NALCN: variants seen among roughly 807,000 people sequenced by gnomAD.
NALCN encodes sodium leak channel NALCN.
Under a neutral mutation model 225.3 loss-of-function variants are expected in NALCN, and 111 were observed. The observed-to-expected ratio is 0.49, with a 90% CI of 0.42 to 0.58. The LOEUF (loss-of-function observed/expected upper bound fraction) is 0.58. Ranked by LOEUF, NALCN falls within the 20% of genes least tolerant of loss-of-function variation. The pLI, the probability that NALCN is intolerant of heterozygous loss-of-function variation, is 0.00. For missense variants in NALCN, 1,378 were observed against 2,202.4 expected, an observed-to-expected ratio of 0.63 and a Z score of 7.49; for synonymous variants, 764 against 769.0, an observed-to-expected ratio of 0.99 and a Z score of 0.11.
chr13:101,323,237 G>T (rs1376819490), intron 7 of NALCN, among the ~76,000 whole-genome samples: 1 of 152,172 alleles, frequency 6.6e-6, no homozygotes, highest in African/African-American at 2.4e-5. Flanking sequence ...AGTAGGTAGA[G>T]ACTGATGAAT....
intron 7 of NALCN, among the ~76,000 whole-genome samples, chr13:101,307,217 C>T (rs2044182321): frequency 6.6e-6 from 1 of 152,112 alleles, no homozygotes; most frequent in South Asian, 2.1e-4. Context: ...CTGAGCAGAG[C>T]GATGGTGGTC....
At chr13:101,401,133 G>C (rs1159531773) in intron 1 of NALCN, among the ~76,000 whole-genome samples, 4 of 152,198 alleles carry the variant, frequency 2.6e-5, no homozygotes, top group Non-Finnish European at 5.9e-5. Context: ...AAGCTAACTG[G>C]CTTGAAGACA....
At chr13:101,377,174 ACATT>A in intron 4 of NALCN, 118 bp from the exon 5 acceptor site, 1 of 1,291,866 alleles carries the variant, frequency 7.7e-7, no homozygotes, top group Non-Finnish European at 1.1e-6. Context: ...ATTTAGCCAT[ACATT>A]ATTTTCCACC....
Position 101,416,406 on chromosome 13 carries a change from C to T in NALCN, c.-133G>A, listed in dbSNP as rs1458886128. 1 of 152,548 alleles carries T rather than the reference C, an allele frequency of 6.6e-6. No individual in the cohort carries two copies. Among genetic ancestry groups the T allele is most frequent in the African/African-American group, 2.4e-5 (1 of 41,348 alleles). 9.4% of individuals were successfully genotyped at this position (152,548 alleles called of 1,614,324 possible). On this transcript the variant is annotated 5_prime_UTR_variant, in exon 1 of 44. Coordinates refer to ENST00000251127, the MANE Select transcript of NALCN (RefSeq NM_052867.4). ...GCAGGATCAGTGCCAGGCGCGGCGC[C>T]CAGGGCGGGCGGGGACGCGGGCCCC...
chr13:101,217,902 C>G (rs576069571), intron 13 of NALCN, among the ~76,000 whole-genome samples: 3 of 152,098 alleles, frequency 2.0e-5, no homozygotes, highest in Non-Finnish European at 4.4e-5. Context: ...CTTTCTACCA[C>G]GTCTATTTAC....
intron 7 of NALCN, among the ~76,000 whole-genome samples, chr13:101,338,085 A>C (rs759054904): frequency 2.0e-5 from 3 of 152,264 alleles, no homozygotes; most frequent in Non-Finnish European, 2.9e-5. Context: ...TAATTACAAA[A>C]GTAACGACTG....
chr13:101,151,015 T>C (rs552613932), intron 15 of NALCN, among the ~76,000 whole-genome samples: 1 of 152,264 alleles, frequency 6.6e-6, no homozygotes, highest in Admixed American at 6.5e-5. Flanking sequence ...GATAGCTTTG[T>C]CACACATTCA....
intron 15 of NALCN, among the ~76,000 whole-genome samples, chr13:101,150,262 G>A (rs1017017105): frequency 2.6e-5 from 4 of 152,240 alleles, no homozygotes; most frequent in East Asian, 3.9e-4. Context: ...GGCGGGGAGC[G>A]GGAGGGAGTA....
At chr13:101,181,915 C>T (rs563673633) in intron 14 of NALCN, among the ~76,000 whole-genome samples, 2 of 152,042 alleles carry the variant, frequency 1.3e-5, no homozygotes, top group East Asian at 1.9e-4. Flanking sequence ...CGGCAGATCA[C>T]GAGGTCAGGA....
chr13:101,184,270 A>G (rs865942640), intron 14 of NALCN, among the ~76,000 whole-genome samples: 9 of 152,338 alleles, frequency 5.9e-5, no homozygotes, highest in African/African-American at 1.7e-4. Flanking sequence ...CTCTCTCAGA[A>G]TATTTATGAA....
At chr13:101,336,611 T>C (rs1805353148) in intron 7 of NALCN, among the ~76,000 whole-genome samples, 1 of 152,250 alleles carries the variant, frequency 6.6e-6, no homozygotes, top group Non-Finnish European at 1.5e-5. Context: ...CTTGTAGTTT[T>C]CTTATCTAAT....
At chr13:101,152,473 T>C (rs577853831) in intron 15 of NALCN, among the ~76,000 whole-genome samples, 1 of 152,282 alleles carries the variant, frequency 6.6e-6, no homozygotes, top group South Asian at 2.1e-4. Flanking sequence ...CATGCTGTTA[T>C]CACAACCCTT....
intron 28 of NALCN, among the ~76,000 whole-genome samples, chr13:101,092,608 C>G (rs2034294156): frequency 6.6e-6 from 1 of 152,098 alleles, no homozygotes; most frequent in Non-Finnish European, 1.5e-5. Flanking sequence ...TTCTCTTTGG[C>G]CCTGCATAGT....
chr13:101,306,999 T>C (rs2044174078), intron 7 of NALCN, among the ~76,000 whole-genome samples: 1 of 152,170 alleles, frequency 6.6e-6, no homozygotes, highest in South Asian at 2.1e-4. Flanking sequence ...GAGCCAAGCA[T>C]AGGCTGGGTT....
chr13:101,105,725 T>C (rs1399271719), intron 22 of NALCN, among the ~76,000 whole-genome samples: 2 of 152,212 alleles, frequency 1.3e-5, no homozygotes, highest in Non-Finnish European at 2.9e-5. Flanking sequence ...ATTTTAATAA[T>C]TGTGACTCAG....
At chr13:101,260,141 C>A (rs1336785090) in intron 10 of NALCN, among the ~76,000 whole-genome samples, 1 of 152,092 alleles carries the variant, frequency 6.6e-6, no homozygotes, top group African/African-American at 2.4e-5. Context: ...TCTTTCTGTG[C>A]CTGGCTTATT....
chr13:101,272,240 T>C (rs1594575668), intron 10 of NALCN, among the ~76,000 whole-genome samples: 1 of 151,960 alleles, frequency 6.6e-6, no homozygotes, highest in East Asian at 1.9e-4. Context: ...CCTGTATGAG[T>C]GTGTATGTGT....
chr13:101,346,889 A>G (rs2045756054), intron 6 of NALCN, among the ~76,000 whole-genome samples: 1 of 152,134 alleles, frequency 6.6e-6, no homozygotes, highest in African/African-American at 2.4e-5. Flanking sequence ...ATTGTGTTAC[A>G]CTAATTTCCC....
intron 10 of NALCN, among the ~76,000 whole-genome samples, chr13:101,276,179 C>T (rs74854382): frequency 0.012 from 1,755 of 150,048 alleles, 16 homozygotes; most frequent in Middle Eastern, 0.027. Context: ...GCAGGCATGA[C>T]AGAGGATGGG....
Sources: gnomAD v4.1 joint callset for allele counts (sites outside exome capture counted in the v4.1 genomes callset) on GRCh38, gnomAD v4.1.1 for gene constraint, MANE v1.5 for transcripts, NCBI Gene and HGNC (gene_info 2026-07-23, HGNC 2026-07-21) for gene names.